Variants in FCHO2 observed in about 807,000 individuals in gnomAD.
FCHO2 encodes FCH and mu domain containing endocytic adaptor 2.
Under a neutral mutation model 114.1 loss-of-function variants are expected in FCHO2, and 43 were observed. That is an observed-to-expected ratio of 0.38 (90% CI 0.30 to 0.49). FCHO2 has a LOEUF of 0.49. FCHO2 is among the 20% of genes least tolerant of loss of function. The pLI, the probability that FCHO2 is intolerant of heterozygous loss-of-function variation, is 0.97. For missense variants in FCHO2, 807 were observed against 950.4 expected (o/e 0.85, Z 1.98); for synonymous variants, 293 against 315.2 (o/e 0.93, Z 0.75).
chr5:73,034,737 G>A, intron 9 of FCHO2, 36 bp downstream of exon 9: 2 of 1,513,102 alleles, frequency 1.3e-6, no homozygotes, highest in Non-Finnish European at 1.8e-6. Context: ...AATGCACATG[G>A]CAGCTAGCTA....
At chr5:72,988,307 G>A (rs1190121727) in intron 2 of FCHO2, among the ~76,000 whole-genome samples, 3 of 151,972 alleles carry the variant, frequency 2.0e-5, no homozygotes, top group African/African-American at 7.3e-5. Flanking sequence ...GTGTGGTGGC[G>A]GGTGCCTGTA....
At chr5:73,069,503 T>C (rs1742527909) in intron 19 of FCHO2, among the ~76,000 whole-genome samples, 1 of 151,912 alleles carries the variant, frequency 6.6e-6, no homozygotes, top group African/African-American at 2.4e-5. Context: ...CTCATAAGAG[T>C]GCGCAACCTA....
chr5:72,999,465 C>T (rs1434900110), intron 5 of FCHO2, among the ~76,000 whole-genome samples: 1 of 143,890 alleles, frequency 6.9e-6, no homozygotes, highest in African/African-American at 2.6e-5. Flanking sequence ...TCACTGCAAT[C>T]TCTGCCTCCT....
In FCHO2 at chr5:72,997,692, C is replaced by T. The variant is rs193268501; in HGVS notation, c.495+6828C>T. The T allele has an allele frequency of 5.6e-3, 8,694 of 1,547,624 alleles. 50 individuals carry two copies. Among genetic ancestry groups the T allele is most frequent in the South Asian group, 0.012 (1,024 of 88,550 alleles). ...AGTTGGGGTTGGGGGAAAGGGAGGG[C>T]GAGCCCTTGGGATACCGTTTGATGC... On this transcript the variant is annotated intron_variant, in intron 5 of 25. Transcript: ENST00000430046.
chr5:72,970,255 A>G (rs1752446549), intron 2 of FCHO2, among the ~76,000 whole-genome samples: 1 of 152,250 alleles, frequency 6.6e-6, no homozygotes, highest in East Asian at 1.9e-4. Context: ...GGCATGGGAT[A>G]CAACAGAATA....
intron 18 of FCHO2, among the ~76,000 whole-genome samples, chr5:73,066,140 T>A (rs1742310934): frequency 6.6e-6 from 1 of 152,022 alleles, no homozygotes; most frequent in Non-Finnish European, 1.5e-5. Context: ...TTGTAAGTAT[T>A]AATATATTAA....
chr5:72,984,310 C>T (rs1034111069), intron 2 of FCHO2, among the ~76,000 whole-genome samples: 3 of 152,092 alleles, frequency 2.0e-5, no homozygotes, highest in Non-Finnish European at 4.4e-5. Flanking sequence ...ATTTTTACAT[C>T]TATACTTGTG....
chr5:73,031,963 G>A lies in FCHO2; in HGVS notation c.797-2694G>A, dbSNP rs190680827. On this transcript the variant is annotated intron_variant, in intron 8 of 25. Coordinates refer to ENST00000430046, the MANE Select transcript of FCHO2 (RefSeq NM_138782.3). ...ACTATTCATTAAGACTCTCACTCTG[G>A]CTTTAGTACTGTCAAAAAAAATAAC... Among the ~76,000 whole-genome samples the A allele has an allele frequency of 3.2e-3, 482 of 152,300 alleles. 2 individuals are homozygous for A. Among genetic ancestry groups the A allele is most frequent in the Middle Eastern group, 6.8e-3 (2 of 294 alleles).
intron 1 of FCHO2, among the ~76,000 whole-genome samples, chr5:72,966,809 A>G (rs1270439285): frequency 6.6e-6 from 1 of 152,252 alleles, no homozygotes; most frequent in Admixed American, 6.5e-5. Context: ...ATTTTCACTA[A>G]AGAAGAATAA....
chr5:73,013,524 C>A (rs1755132714), intron 6 of FCHO2, among the ~76,000 whole-genome samples: 1 of 152,044 alleles, frequency 6.6e-6, no homozygotes, highest in Non-Finnish European at 1.5e-5. Flanking sequence ...TTTCCCAAAG[C>A]CTGTTTTGAG....
At chr5:72,966,274 A>G (rs1363165211) in intron 1 of FCHO2, among the ~76,000 whole-genome samples, 1 of 152,204 alleles carries the variant, frequency 6.6e-6, no homozygotes, top group African/African-American at 2.4e-5. Context: ...TGTCTAATTT[A>G]CTGTTACTCT....
chr5:73,011,114 A>C (rs540698983), intron 6 of FCHO2, among the ~76,000 whole-genome samples: 10 of 152,298 alleles, frequency 6.6e-5, no homozygotes, highest in Admixed American at 6.5e-4. Flanking sequence ...GCTGCATCTG[A>C]GTAGAACACT....
At chr5:72,986,890 T>C (rs898710927) in intron 2 of FCHO2, among the ~76,000 whole-genome samples, 2 of 151,210 alleles carry the variant, frequency 1.3e-5, no homozygotes, top group South Asian at 2.1e-4. Flanking sequence ...TTTTTCTTTT[T>C]TTTTTTTGAG....
intron 1 of FCHO2, among the ~76,000 whole-genome samples, chr5:72,966,335 T>C (rs552467196): frequency 6.6e-6 from 1 of 152,344 alleles, no homozygotes; most frequent in South Asian, 2.1e-4. Flanking sequence ...TTTGTTTTTT[T>C]AGAGACAGGT....
At chr5:73,061,657 A>G (rs1757856877) in intron 17 of FCHO2, among the ~76,000 whole-genome samples, 1 of 152,088 alleles carries the variant, frequency 6.6e-6, no homozygotes, top group South Asian at 2.1e-4. Context: ...GAGAGCACAG[A>G]TAAAGTTCCT....
chr5:72,966,284 T>C (rs1421203403), intron 1 of FCHO2, among the ~76,000 whole-genome samples: 1 of 152,234 alleles, frequency 6.6e-6, no homozygotes, highest in South Asian at 2.1e-4. Flanking sequence ...ACTGTTACTC[T>C]TAAAAAGTTC....
intron 12 of FCHO2, among the ~76,000 whole-genome samples, chr5:73,052,115 A>G (rs753945527): frequency 2.6e-5 from 4 of 151,548 alleles, no homozygotes; most frequent in Admixed American, 1.3e-4. Flanking sequence ...AGTAGAGACA[A>G]AGTTTCACCG....
At chr5:73,038,162 G>GT (rs1332415005) in intron 10 of FCHO2, 1 of 152,830 alleles carries the variant, frequency 6.5e-6, no homozygotes, top group Non-Finnish European at 1.5e-5. Flanking sequence ...TTGTTTGTTT[G>GT]TTTGTTTTTT....
intron 11 of FCHO2, among the ~76,000 whole-genome samples, chr5:73,042,125 ATTTTG>A (rs1756833419): frequency 6.6e-6 from 1 of 152,174 alleles, no homozygotes; most frequent in Non-Finnish European, 1.5e-5. Flanking sequence ...TAAAATTAGT[ATTTTG>A]TTTTATATTT....
Sources: allele counts gnomAD v4.1 joint callset (sites outside exome capture counted in the v4.1 genomes callset), GRCh38; gene constraint gnomAD v4.1.1; transcripts MANE v1.5; gene names NCBI Gene and HGNC (gene_info 2026-07-23, HGNC 2026-07-21).